FAM222B: variants seen among roughly 807,000 people sequenced by gnomAD.
The protein encoded by FAM222B is protein FAM222B.
In FAM222B, 12 loss-of-function variants were observed where a neutral mutation model predicts 38.0. The ratio of observed to expected loss-of-function variants is 0.32; its 90% CI spans 0.20 to 0.51. The LOEUF (loss-of-function observed/expected upper bound fraction) is 0.51. Ranked by LOEUF, FAM222B falls within the 20% of genes least tolerant of loss-of-function variation. The pLI, the probability that FAM222B is intolerant of heterozygous loss-of-function variation, is 0.97. For missense variants in FAM222B, 716 were observed against 754.2 expected, an observed-to-expected ratio of 0.95 and a Z score of 0.59; for synonymous variants, 329 against 317.2, an observed-to-expected ratio of 1.04 and a Z score of -0.40.
intron 1 of FAM222B, among the ~76,000 whole-genome samples, chr17:28,784,227 TA>T (rs1382291862): frequency 6.6e-6 from 1 of 152,010 alleles, no homozygotes; most frequent in Non-Finnish European, 1.5e-5. Context: ...TAATCCCAGC[TA>T]CTCAGGAGGC....
intron 1 of FAM222B, among the ~76,000 whole-genome samples, chr17:28,774,146 CTTTTTTTT>C (rs11434048): frequency 7.0e-6 from 1 of 142,442 alleles, no homozygotes; most frequent in African/African-American, 2.6e-5. Flanking sequence ...CTTTTGTTTT[CTTTTTTTT>C]TTTTTTCCTG....
intron 1 of FAM222B, among the ~76,000 whole-genome samples, chr17:28,834,040 C>A (rs1377087856): frequency 3.3e-5 from 5 of 152,154 alleles, no homozygotes; most frequent in African/African-American, 1.2e-4. Context: ...CCATCTTTGA[C>A]AACTCCTTCT....
intron 1 of FAM222B, among the ~76,000 whole-genome samples, chr17:28,840,033 A>G (rs1232637791): frequency 6.6e-6 from 1 of 152,086 alleles, no homozygotes; most frequent in African/African-American, 2.4e-5. Flanking sequence ...GAGTCAGCAA[A>G]GCTGAAGTGT....
At chr17:28,854,921 G>A in intron 1 of FAM222B, 1 of 1,207,538 alleles carries the variant, frequency 8.3e-7, no homozygotes, top group Non-Finnish European at 1.1e-6. Flanking sequence ...CATCCCATGT[G>A]TCTCGGCTTT....
intron 1 of FAM222B, among the ~76,000 whole-genome samples, chr17:28,820,960 TA>T (rs755929678): frequency 4.7e-5 from 7 of 150,520 alleles, no homozygotes; most frequent in Admixed American, 1.3e-4. Context: ...CTTTTTATTT[TA>T]TTTTTTTTTT....
intron 1 of FAM222B, among the ~76,000 whole-genome samples, chr17:28,805,914 G>A (rs1378016436): frequency 1.3e-5 from 2 of 152,182 alleles, no homozygotes; most frequent in East Asian, 3.9e-4. Context: ...GGTGGAGGTG[G>A]GCGTATCACC....
intron 1 of FAM222B, among the ~76,000 whole-genome samples, chr17:28,789,095 A>AC (rs2151864166): frequency 6.6e-6 from 1 of 151,290 alleles, no homozygotes; most frequent in East Asian, 1.9e-4. Flanking sequence ...AAAAAAAAAA[A>AC]AAAAAAAACT....
chr17:28,763,980 A>C (rs1476390873), intron 2 of FAM222B, among the ~76,000 whole-genome samples: 1 of 152,208 alleles, frequency 6.6e-6, no homozygotes, highest in African/African-American at 2.4e-5. Flanking sequence ...CTGCCATGGA[A>C]GGAAATCAAA....
chr17:28,785,949 T>C lies in FAM222B; in HGVS notation c.-40-19242A>G, dbSNP rs1233322248. Among the ~76,000 whole-genome samples, 5 of 152,010 alleles carry C rather than the reference T, an allele frequency of 3.3e-5. No individual in the cohort carries two copies. The East Asian group carries it at 7.7e-4, about 23-fold the overall frequency. On this transcript the variant is annotated intron_variant, in intron 1 of 2. Transcript: ENST00000581407. ...GGTCTCGATCTCCTCTCCGCCTGCCTTGGCCTCCCAAAGTGCTGGGATTAC... is the reference window on the plus strand; with the variant it reads ...GGTCTCGATCTCCTCTCCGCCTGCCCTGGCCTCCCAAAGTGCTGGGATTAC...
At chr17:28,816,753 G>A (rs77642097) in intron 1 of FAM222B, among the ~76,000 whole-genome samples, 4,764 of 152,194 alleles carry the variant, frequency 0.031, 121 homozygotes, top group Middle Eastern at 0.11. Flanking sequence ...ATGACACAGA[G>A]CATAGAAACT....
chr17:28,850,015 C>T (rs1335326905), intron 1 of FAM222B, among the ~76,000 whole-genome samples: 1 of 152,032 alleles, frequency 6.6e-6, no homozygotes, highest in African/African-American at 2.4e-5. Flanking sequence ...ACCCAGGAGG[C>T]AGAGGTTGCA....
chr17:28,768,058 G>A (rs1451151574), intron 1 of FAM222B, among the ~76,000 whole-genome samples: 4 of 152,170 alleles, frequency 2.6e-5, no homozygotes, highest in Admixed American at 2.6e-4. Context: ...GCCCAAGCAA[G>A]CAGACATTGA....
At position 28,756,873 on chromosome 17, in the gene FAM222B, A is replaced by G. The variant is rs1443793529; in HGVS notation, c.*1397T>C. 1 of 152,570 alleles carries G rather than the reference A, an allele frequency of 6.6e-6. No individual in the cohort carries two copies. The highest frequency in any genetic ancestry group is 1.9e-4 in the East Asian group (1 of 5,204). 9.5% of individuals were successfully genotyped at this position (152,570 alleles called of 1,614,324 possible). On this transcript the variant is annotated 3_prime_UTR_variant, in exon 3 of 3. Coordinates refer to ENST00000581407, the MANE Select transcript of FAM222B (RefSeq NM_001077498.3). The stretch of plus-strand genomic sequence containing the variant: ...TAGTGAACAAAATGCAAAACCTTAA[A>G]TAAGAACCATCAGCTGACATTCCCC...
Position 28,759,251 on chromosome 17 carries a change from T to C in FAM222B, c.708A>G (p.Ser236=), listed in dbSNP as rs771785329. Residue 236 remains serine (S), a synonymous_variant, in exon 3 of 3, where the codon TCA becomes TCG. Coordinates refer to ENST00000581407, the MANE Select transcript of FAM222B (RefSeq NM_001077498.3). This position sits in a 1 kb window ranked among gnomAD's most constrained non-coding sequence, Gnocchi z 4.8. The part of the protein sequence containing the change: ...LLHGGRKMPD[S]DAPPNVTVST... ...ACACGGTCACATTCGGGGGGGCATC[T>C]GAGTCTGGCATCTTCCGGCCTCCAT... 3 of 1,613,602 alleles carry C rather than the reference T, an allele frequency of 1.9e-6. No individual in the cohort carries two copies. The highest frequency in any genetic ancestry group is 2.2e-5 in the South Asian group (2 of 90,994).
In FAM222B at chr17:28,851,663, G is replaced by C. The variant is rs150709491; in HGVS notation, c.-41+3287C>G. ...GACGCCAAGGCGGGCAGATCACCGG[G>C]TCAGGAGTTTGAGACCAGCCTAGCC... is the stretch of plus-strand genomic sequence containing the variant. On this transcript the variant is annotated intron_variant, in intron 1 of 2. Coordinates refer to the FAM222B transcript ENST00000577513. Among the ~76,000 whole-genome samples the C allele has an allele frequency of 3.5e-3, 530 of 152,090 alleles. 11 individuals carry two copies. The East Asian group carries it at 0.066, about 19-fold the overall frequency.
At chr17:28,766,849 C>T (rs898183235) in intron 1 of FAM222B, 142 bp from the exon 2 acceptor site, 46 of 561,714 alleles carry the variant, frequency 8.2e-5, no homozygotes, top group Non-Finnish European at 1.4e-4. Flanking sequence ...TGAAAGTATA[C>T]TTACATCTTT....
chr17:28,783,956 G>A (rs1567826882), intron 1 of FAM222B, among the ~76,000 whole-genome samples: 2 of 146,896 alleles, frequency 1.4e-5, no homozygotes, highest in South Asian at 2.2e-4. Flanking sequence ...CTGCCACCAC[G>A]CCTGGTTAAT....
chr17:28,778,675 T>TGTG (rs2036008626), intron 1 of FAM222B, among the ~76,000 whole-genome samples: 1 of 89,540 alleles, frequency 1.1e-5, no homozygotes, highest in South Asian at 4.8e-4. Context: ...AGCTAATTTT[T>TGTG]TTTTTGTGTG....
chr17:28,851,695 G>A (rs565467034), intron 1 of FAM222B, among the ~76,000 whole-genome samples: 5 of 152,082 alleles, frequency 3.3e-5, no homozygotes, highest in African/African-American at 9.6e-5. Flanking sequence ...AGCCAACATG[G>A]CGAAACCCTG....
Sources: gnomAD v4.1 joint callset for allele counts (sites outside exome capture counted in the v4.1 genomes callset) on GRCh38, gnomAD v4.1.1 for gene constraint, Gnocchi (gnomAD v3.1) non-coding constraint, MANE v1.5 for transcripts, NCBI Gene and HGNC (gene_info 2026-07-23, HGNC 2026-07-21) for gene names.